The following SRPRB variants were observed in gnomAD, a reference collection of about 807,000 sequenced individuals.
The protein encoded by SRPRB is SRP receptor subunit beta, also known as signal recognition particle receptor subunit beta.
A neutral mutation model predicts 31.9 loss-of-function variants in SRPRB; 20 were observed. That is an observed-to-expected ratio of 0.63 (90% CI 0.44 to 0.91). The LOEUF is 0.91. SRPRB is among the 40% of genes least tolerant of loss of function. The probability of loss-of-function intolerance (pLI) is 0.00; values close to 1 mark genes in which losing one functional copy is unlikely to be tolerated. For synonymous variants in SRPRB, 146 were observed against 132.8 expected, an observed-to-expected ratio of 1.10 and a Z score of -0.68; for missense variants, 321 against 324.9, an observed-to-expected ratio of 0.99 and a Z score of 0.09.
chr3:133,809,867 T>TA (rs1329376753), intron 3 of SRPRB, among the ~76,000 whole-genome samples: 2 of 152,184 alleles, frequency 1.3e-5, no homozygotes, highest in African/African-American at 4.8e-5. Context: ...CCAATTTCTT[T>TA]TTACTTTTTT....
downstream of SRPRB, chr3:133,824,510 G>C (rs977827408): frequency 6.6e-5 from 10 of 152,350 alleles, no homozygotes; most frequent in Admixed American, 5.2e-4. Context: ...AACCCCTGCT[G>C]CAAGGATTTC....
At chr3:133,816,292 C>T (rs1319375536) in intron 5 of SRPRB, among the ~76,000 whole-genome samples, 1 of 152,126 alleles carries the variant, frequency 6.6e-6, no homozygotes, top group Non-Finnish European at 1.5e-5. Context: ...CAGAAGTGAC[C>T]AGATAATATT....
intron 1 of SRPRB, among the ~76,000 whole-genome samples, chr3:133,798,091 C>T (rs1257495991): frequency 2.6e-5 from 4 of 152,102 alleles, no homozygotes; most frequent in Non-Finnish European, 5.9e-5. Flanking sequence ...TATGAATGTC[C>T]TGAGGAGACA....
chr3:133,827,746 A>ACTCCCCC, downstream of SRPRB: 2 of 72,114 alleles, frequency 2.8e-5, no homozygotes, highest in Non-Finnish European at 5.5e-5. Context: ...TGCAGACAAC[A>ACTCCCCC]CCCCCCCCCC....
downstream of SRPRB, chr3:133,825,151 C>T (rs1307069109): frequency 6.6e-6 from 1 of 152,236 alleles, no homozygotes; most frequent in South Asian, 2.1e-4. Context: ...GCCTCACTGT[C>T]CTCGGCTACC....
downstream of SRPRB, chr3:133,825,487 GGAGGC>G (rs1202358430): frequency 1.3e-5 from 2 of 152,222 alleles, no homozygotes; most frequent in East Asian, 3.9e-4. Flanking sequence ...TAGATAGCAA[GGAGGC>G]CTCTGACCAA....
exon 1 of SRPRB, chr3:133,784,083 C>G (rs1934582930): frequency 6.6e-6 from 1 of 152,358 alleles, no homozygotes; most frequent in African/African-American, 2.4e-5. Flanking sequence ...CGCAATGTCC[C>G]AAGTGGACGA....
In SRPRB at chr3:133,812,102, A is replaced by G. The variant is rs536649761; in HGVS notation, c.410+903A>G. ...TTTCACTGATTTGAAGACACATTTT[A>G]ATATCTCTGAATTTAGAATATATCT... is the stretch of plus-strand genomic sequence containing the variant. On this transcript the variant is annotated intron_variant, in intron 4 of 6. Transcript: ENST00000678299. Among the ~76,000 whole-genome samples, 7 of 152,344 alleles carry G rather than the reference A, an allele frequency of 4.6e-5. No homozygotes were observed. The East Asian group carries it at 1.3e-3, about 29-fold the overall frequency.
At position 133,819,805 on chromosome 3, in the gene SRPRB, A is replaced by C; in HGVS notation, c.*39A>C. ...AGCACAAGACCTGGATGTGTGACAC[A>C]CAGTTTTGGAAAAAGGTCTGTGGTA... On this transcript the variant is annotated 3_prime_UTR_variant, in exon 7 of 7. Transcript: ENST00000678299. The C allele has an allele frequency of 6.3e-7, 1 of 1,587,586 alleles. No individual in the cohort carries two copies. The highest frequency in any genetic ancestry group is 8.6e-7 in the Non-Finnish European group (1 of 1,162,346).
intron 3 of SRPRB, 26 bp downstream of exon 3, chr3:133,807,849 T>TC: frequency 6.4e-7 from 1 of 1,567,622 alleles, no homozygotes; most frequent in South Asian, 1.1e-5. Flanking sequence ...AGTTTTGGAG[T>TC]CTGACAGTCT....
chr3:133,806,414 G>T (rs1935161297), intron 1 of SRPRB, 195 bp from the exon 2 acceptor site: 2 of 563,006 alleles, frequency 3.6e-6, no homozygotes, highest in Middle Eastern at 3.0e-4. Flanking sequence ...GGACTGCAAA[G>T]AAAAGTTGAC....
chr3:133,808,491 C>T (rs1935202240), intron 3 of SRPRB, among the ~76,000 whole-genome samples: 1 of 152,184 alleles, frequency 6.6e-6, no homozygotes, highest in African/African-American at 2.4e-5. Flanking sequence ...CTTACTTAAT[C>T]TGGACCGTGT....
At chr3:133,804,215 C>G (rs1245705604), upstream of SRPRB, among the ~76,000 whole-genome samples, 1 of 151,984 alleles carries the variant, frequency 6.6e-6, no homozygotes, top group Non-Finnish European at 1.5e-5. Context: ...CTTGGCCTCC[C>G]AAAGCGCTGG....
At chr3:133,824,143 A>G (rs1935517733), downstream of SRPRB, 1 of 152,278 alleles carries the variant, frequency 6.6e-6, no homozygotes, top group South Asian at 2.1e-4. Context: ...CCACCCAGGC[A>G]TGACAAAAGG....
chr3:133,802,699 C>T (rs374714903), upstream of SRPRB, among the ~76,000 whole-genome samples: 22 of 152,306 alleles, frequency 1.4e-4, 1 homozygote, highest in East Asian at 3.9e-4. Flanking sequence ...CCTCATTCTT[C>T]ATGTTCTCCA....
At chr3:133,822,730 C>G (rs1358288964), downstream of SRPRB, among the ~76,000 whole-genome samples, 1 of 152,188 alleles carries the variant, frequency 6.6e-6, no homozygotes, top group East Asian at 1.9e-4. Flanking sequence ...GCACAATTGT[C>G]AAAGCTTCAG....
downstream of SRPRB, among the ~76,000 whole-genome samples, chr3:133,821,963 C>T (rs758596990): frequency 2.0e-5 from 3 of 152,142 alleles, no homozygotes; most frequent in Non-Finnish European, 2.9e-5. Flanking sequence ...GCAGGCATTC[C>T]GTTCTTGTGG....
Position 133,819,912 on chromosome 3 carries a change from C to T in SRPRB, c.*146C>T. 1.2e-5 allele frequency: 8 copies of T among 688,110 alleles called. No homozygotes were observed. Among genetic ancestry groups the T allele is most frequent in the South Asian group, 4.5e-5 (2 of 44,486 alleles). The allele number at this position is 688,110 out of a possible 1,614,324, so 42.6% of individuals were successfully genotyped here. A position where few individuals can be genotyped will look rare whatever the true frequency, so the allele number is the denominator to read the frequency against. On this transcript the variant is annotated 3_prime_UTR_variant, in exon 7 of 7. Coordinates refer to ENST00000678299, the MANE Select transcript of SRPRB (RefSeq NM_001379313.1). ...GGAAACAAAGTACTGTTGAAACCAG[C>T]TTGGAATTTTTTTTTTTTTTTTTTT... is the stretch of plus-strand genomic sequence containing the variant.
intron 3 of SRPRB, among the ~76,000 whole-genome samples, chr3:133,808,988 A>G (rs146712015): frequency 1.8e-3 from 280 of 151,688 alleles, no homozygotes; most frequent in African/African-American, 6.6e-3. Context: ...ATTGTAATGC[A>G]TAAGTTTGTT....
Sources: gnomAD v4.1 joint callset for allele counts (sites outside exome capture counted in the v4.1 genomes callset) on GRCh38, gnomAD v4.1.1 for gene constraint, MANE v1.5 for transcripts, NCBI Gene and HGNC (gene_info 2026-07-23, HGNC 2026-07-21) for gene names.